The following KIF1B variants were observed in gnomAD, a reference collection of about 807,000 sequenced individuals.
KIF1B encodes kinesin-like protein KIF1B.
A neutral mutation model predicts 241.9 loss-of-function variants in KIF1B; 76 were observed. The observed-to-expected ratio is 0.31, with a 90% confidence interval of 0.26 to 0.38. The LOEUF (loss-of-function observed/expected upper bound fraction) is 0.38. Among genes scored for constraint, KIF1B ranks in the 10% least tolerant of loss-of-function variants. The pLI, the probability that KIF1B is intolerant of heterozygous loss-of-function variation, is 1.00. For synonymous variants in KIF1B, 750 were observed against 796.7 expected (o/e 0.94, Z 0.99); for missense variants, 1,622 against 2,271.4 (o/e 0.71, Z 5.81).
At chr1:10,279,869 T>A (rs1649319429) in intron 14 of KIF1B, among the ~76,000 whole-genome samples, 1 of 151,948 alleles carries the variant, frequency 6.6e-6, no homozygotes. Context: ...GCTAATTTTT[T>A]AATTTTTTAT....
chr1:10,279,900 G>A, intron 14 of KIF1B, among the ~76,000 whole-genome samples: 1 of 151,748 alleles, frequency 6.6e-6, no homozygotes, highest in East Asian at 1.9e-4. Context: ...GAGGGGTCTC[G>A]CTGTGTTTCC....
intron 38 of KIF1B, among the ~76,000 whole-genome samples, chr1:10,354,536 A>T (rs1273171003): frequency 6.6e-6 from 1 of 152,354 alleles, no homozygotes; most frequent in East Asian, 1.9e-4. Flanking sequence ...AGTTATTTTT[A>T]AACAACTCAC....
chr1:10,240,316 C>T (rs1647118394), intron 2 of KIF1B, among the ~76,000 whole-genome samples: 2 of 152,000 alleles, frequency 1.3e-5, no homozygotes, highest in African/African-American at 4.8e-5. Flanking sequence ...TCAAGTGATT[C>T]TCCTGCCTCA....
At chr1:10,288,344 TTG>T (rs755096780) in intron 15 of KIF1B, among the ~76,000 whole-genome samples, 1 of 152,184 alleles carries the variant, frequency 6.6e-6, no homozygotes, top group African/African-American at 2.4e-5. Flanking sequence ...CCTTAGGGAA[TTG>T]TGTGGATTTG....
At position 10,380,428 on chromosome 1, in the gene KIF1B, G is replaced by T; in HGVS notation, c.*3841G>T. The T allele has an allele frequency of 5.3e-6, 1 of 188,664 alleles. No individual in the cohort carries two copies. The highest frequency in any genetic ancestry group is 1.1e-5 in the Non-Finnish European group (1 of 89,380). The allele number at this position is 188,664 out of a possible 1,614,324, so 11.7% of individuals were successfully genotyped here. Reference sequence around the variant, plus strand: ...AACCTGCCTCTTGAAAGATTCAACCGGGTGTGGTGGCTCACGCCTGTAATC... The same window carrying T: ...AACCTGCCTCTTGAAAGATTCAACCTGGTGTGGTGGCTCACGCCTGTAATC... On this transcript the variant is annotated 3_prime_UTR_variant, in exon 49 of 49. Coordinates refer to ENST00000676179, the MANE Select transcript of KIF1B (RefSeq NM_001365951.3).
chr1:10,268,929 G>A (rs1175091670), intron 7 of KIF1B, among the ~76,000 whole-genome samples: 1 of 152,064 alleles, frequency 6.6e-6, no homozygotes, highest in East Asian at 1.9e-4. Flanking sequence ...AAAAGATTAA[G>A]CGTTAATATA....
At chr1:10,225,892 T>C (rs1324249460) in intron 1 of KIF1B, among the ~76,000 whole-genome samples, 1 of 152,138 alleles carries the variant, frequency 6.6e-6, no homozygotes, top group East Asian at 1.9e-4. Flanking sequence ...TGGACAGTGA[T>C]AGAAATAGAT....
chr1:10,241,990 G>T (rs1647143487), intron 2 of KIF1B, among the ~76,000 whole-genome samples: 1 of 152,186 alleles, frequency 6.6e-6, no homozygotes, highest in South Asian at 2.1e-4. Flanking sequence ...GGTAGTACCT[G>T]TTTATCAAGG....
chr1:10,239,307 C>G (rs532795760), intron 2 of KIF1B, among the ~76,000 whole-genome samples: 1 of 152,228 alleles, frequency 6.6e-6, no homozygotes, highest in East Asian at 1.9e-4. Flanking sequence ...TAATCTTTTC[C>G]TTGCATTTTA....
At chr1:10,258,199 T>C (rs1647910833) in intron 3 of KIF1B, among the ~76,000 whole-genome samples, 1 of 152,266 alleles carries the variant, frequency 6.6e-6, no homozygotes, top group East Asian at 1.9e-4. Context: ...GAAAGAGTGA[T>C]ACTTTTAAGG....
Position 10,303,298 on chromosome 1 carries a change from A to C in KIF1B, c.2115+6052A>C. The C allele has an allele frequency of 6.2e-7, 1 of 1,614,200 alleles. No individual in the cohort carries two copies. The highest frequency in any genetic ancestry group is 8.5e-7 in the Non-Finnish European group (1 of 1,180,026). ...TGTTAAAAAATGTGGCCTCCCAAGC[A>C]GTGGGAAGAAACGTGAACCAATTAA... On this transcript the variant is annotated intron_variant, in intron 22 of 48. Coordinates refer to ENST00000676179, the MANE Select transcript of KIF1B (RefSeq NM_001365951.3). This position sits in a 1 kb window ranked among gnomAD's most constrained non-coding sequence, Gnocchi z 5.2.
At chr1:10,340,135 GA>G (rs1249301596) in intron 32 of KIF1B, among the ~76,000 whole-genome samples, 4 of 152,126 alleles carry the variant, frequency 2.6e-5, no homozygotes, top group African/African-American at 9.7e-5. Context: ...TTCTGTCCTA[GA>G]AAAATAAGCA....
At chr1:10,266,248 C>T (rs573548910) in intron 5 of KIF1B, among the ~76,000 whole-genome samples, 23 of 152,312 alleles carry the variant, frequency 1.5e-4, no homozygotes, top group African/African-American at 5.3e-4. Context: ...AAGGCTAGAA[C>T]ACTCAAGCCA....
intron 4 of KIF1B, among the ~76,000 whole-genome samples, chr1:10,259,692 G>A (rs1318869549): frequency 2.6e-5 from 4 of 151,710 alleles, no homozygotes; most frequent in African/African-American, 4.8e-5. Context: ...TAGTAGAGGC[G>A]GGGTTTCACC....
chr1:10,303,876 A>G lies in KIF1B; in HGVS notation c.2115+6630A>G, dbSNP rs1352039584. 1.2e-6 allele frequency: 2 copies of G among 1,614,122 alleles called. No homozygotes were observed. The highest frequency in any genetic ancestry group is 2.7e-5 in the African/African-American group (2 of 74,944). On this transcript the variant is annotated intron_variant, in intron 22 of 48. Transcript: ENST00000676179. The surrounding 1 kb of genome is among the most constrained non-coding windows in gnomAD (Gnocchi z 5.2). ...ATGTAAGTAAAGGAGACAATGGAGA[A>G]CTTGCAAAAGAAGAACGTGTTTCCC...
intron 2 of KIF1B, among the ~76,000 whole-genome samples, chr1:10,255,316 G>A (rs1263838784): frequency 6.6e-6 from 1 of 152,136 alleles, no homozygotes; most frequent in Non-Finnish European, 1.5e-5. Context: ...TGGGCCAGGT[G>A]CAGTGGCTCA....
chr1:10,235,339 G>A (rs566131157), intron 2 of KIF1B, among the ~76,000 whole-genome samples: 53 of 151,570 alleles, frequency 3.5e-4, no homozygotes, highest in Non-Finnish European at 4.6e-4. Flanking sequence ...TGCAACTTCC[G>A]CCTCCTGGGC....
intron 10 of KIF1B, among the ~76,000 whole-genome samples, chr1:10,273,432 T>A (rs1425856451): frequency 1.3e-5 from 2 of 152,084 alleles, no homozygotes; most frequent in African/African-American, 4.8e-5. Flanking sequence ...CGCGTGCCCA[T>A]AGTGTCCCAA....
At chr1:10,244,766 C>G (rs1002311721) in intron 2 of KIF1B, among the ~76,000 whole-genome samples, 2 of 151,928 alleles carry the variant, frequency 1.3e-5, no homozygotes, top group Non-Finnish European at 2.9e-5. Flanking sequence ...GCGCCCACCA[C>G]CACGCCTGGC....
Sources: allele counts gnomAD v4.1 joint callset (sites outside exome capture counted in the v4.1 genomes callset), GRCh38; gene constraint gnomAD v4.1.1; non-coding constraint Gnocchi (gnomAD v3.1); transcripts MANE v1.5; gene names NCBI Gene and HGNC (gene_info 2026-07-23, HGNC 2026-07-21).